Variants in VEGFC observed in about 807,000 individuals in gnomAD.
VEGFC encodes FLT4 ligand DHM.
VEGFC carries 12 observed loss-of-function variants against 46.1 expected under a neutral mutation model. The observed-to-expected ratio is 0.26, with a 90% confidence interval of 0.17 to 0.42. The LOEUF is 0.42. VEGFC is among the 10% of genes least tolerant of loss of function. The pLI is 1.00. For missense variants in VEGFC, 488 were observed against 529.4 expected, an observed-to-expected ratio of 0.92 and a Z score of 0.77; for synonymous variants, 232 against 195.5, an observed-to-expected ratio of 1.19 and a Z score of -1.56.
chr4:176,749,961 A>T (rs927810907), intron 1 of VEGFC, among the ~76,000 whole-genome samples: 14 of 151,770 alleles, frequency 9.2e-5, no homozygotes, highest in Non-Finnish European at 1.8e-4. Flanking sequence ...AATTACTGAA[A>T]ATTACAGTGT....
chr4:176,728,485 G>C (rs1050291591), intron 2 of VEGFC, among the ~76,000 whole-genome samples: 1 of 152,122 alleles, frequency 6.6e-6, no homozygotes, highest in African/African-American at 2.4e-5. Flanking sequence ...CTTGAGTAAT[G>C]TCGTGGCTGC....
At chr4:176,692,205 T>C (rs1734203012) in intron 4 of VEGFC, among the ~76,000 whole-genome samples, 1 of 149,620 alleles carries the variant, frequency 6.7e-6, no homozygotes, top group Non-Finnish European at 1.5e-5. Flanking sequence ...CCATCCCGGC[T>C]AAAACGGTGA....
intron 3 of VEGFC, among the ~76,000 whole-genome samples, chr4:176,721,425 A>C (rs1401198780): frequency 6.6e-6 from 1 of 152,180 alleles, no homozygotes. Context: ...AGCATTAAGA[A>C]AAGAAAAAAA....
intron 1 of VEGFC, among the ~76,000 whole-genome samples, chr4:176,744,414 A>T (rs1735227628): frequency 1.3e-5 from 2 of 152,144 alleles, no homozygotes; most frequent in South Asian, 4.1e-4. Context: ...TTTCCTTCTG[A>T]AATATCAAGG....
intron 1 of VEGFC, among the ~76,000 whole-genome samples, chr4:176,740,636 C>T (rs1299167700): frequency 6.7e-6 from 1 of 149,952 alleles, no homozygotes; most frequent in Non-Finnish European, 1.5e-5. Flanking sequence ...AACTGGAATA[C>T]TCACATTATT....
chr4:176,792,253 G>C lies in VEGFC; in HGVS notation c.59C>G (p.Pro20Arg). The C allele has an allele frequency of 3.2e-6, 5 of 1,559,712 alleles. No homozygotes were observed. The highest frequency in any genetic ancestry group is 4.3e-6 in the Non-Finnish European group (5 of 1,155,296). Reference sequence around the variant, plus strand: ...GGCGGCGGGCGCCTCGCGAGGACCCGGGAGCAGCGCAGCGGCGAGCAGAGA... The same window carrying C: ...GGCGGCGGGCGCCTCGCGAGGACCCCGGAGCAGCGCAGCGGCGAGCAGAGA... ...ACSLLAAALL[P>R]GPREAPAAAA... Residue 20 changes from proline to arginine, a missense_variant, in exon 1 of 7, where the codon CCG (proline) becomes CGG (arginine). Transcript: ENST00000618562. The surrounding 1 kb of genome is among the most constrained non-coding windows in gnomAD (Gnocchi z 6.3).
chr4:176,711,388 A>G, intron 4 of VEGFC, 111 bp downstream of exon 4: 1 of 1,197,260 alleles, frequency 8.4e-7, no homozygotes, highest in Non-Finnish European at 1.1e-6. Context: ...TATTTGAAGC[A>G]GAGTATATTA....
intron 6 of VEGFC, among the ~76,000 whole-genome samples, chr4:176,685,422 TC>T (rs1185372670): frequency 6.6e-6 from 1 of 152,166 alleles, no homozygotes; most frequent in Non-Finnish European, 1.5e-5. Flanking sequence ...TCTCTTTTGC[TC>T]CAATTTATAT....
chr4:176,731,128 A>G (rs1734958319), intron 1 of VEGFC, among the ~76,000 whole-genome samples: 1 of 152,092 alleles, frequency 6.6e-6, no homozygotes, highest in Non-Finnish European at 1.5e-5. Context: ...TACACCATAC[A>G]GCCATAGAAA....
intron 1 of VEGFC, among the ~76,000 whole-genome samples, chr4:176,736,075 C>T (rs1735048212): frequency 6.6e-6 from 1 of 151,738 alleles, no homozygotes; most frequent in African/African-American, 2.4e-5. Context: ...CGAAGACCCA[C>T]CTCCTCCATG....
At chr4:176,715,038 G>T in intron 3 of VEGFC, among the ~76,000 whole-genome samples, 1 of 149,992 alleles carries the variant, frequency 6.7e-6, no homozygotes, top group African/African-American at 2.5e-5. Flanking sequence ...CCTCTAAGTT[G>T]AAGACTTTTA....
At chr4:176,717,154 CA>C (rs1306351339) in intron 3 of VEGFC, among the ~76,000 whole-genome samples, 1 of 151,352 alleles carries the variant, frequency 6.6e-6, no homozygotes, top group Admixed American at 6.6e-5. Context: ...ATGTAGGACA[CA>C]AAAAAAGTTG....
intron 3 of VEGFC, among the ~76,000 whole-genome samples, chr4:176,722,492 T>TC (rs386402402): frequency 6.7e-6 from 1 of 148,578 alleles, no homozygotes; most frequent in Non-Finnish European, 1.5e-5. Flanking sequence ...TCTTTTGTTT[T>TC]TTTTTTGTTT....
chr4:176,727,874 A>C lies in VEGFC; in HGVS notation c.456T>G (p.Phe152Leu), dbSNP rs1198327769. The C allele has an allele frequency of 6.2e-7, 1 of 1,614,042 alleles. No homozygotes were observed. Among genetic ancestry groups the C allele is most frequent in the Non-Finnish European group, 8.5e-7 (1 of 1,179,956 alleles). Residue 152 changes from phenylalanine (F) to leucine (L), a missense_variant, in exon 3 of 7, where the codon TTT (phenylalanine) becomes TTG (leucine). By Grantham distance (22) the Phe-to-Leu change is conservative. Transcript: ENST00000618562. ...KEFGVATNTF[F>L]KPPCVSVYRC... ...TGTAGACGGACACACATGGAGGTTT[A>C]AAGAAGGTGTTTGTCGCGACTCCAA...
chr4:176,725,537 G>A (rs1242722298), intron 3 of VEGFC, among the ~76,000 whole-genome samples: 1 of 152,158 alleles, frequency 6.6e-6, no homozygotes, highest in Non-Finnish European at 1.5e-5. Flanking sequence ...ATGAAGAAAG[G>A]AAATGGAAGG....
At chr4:176,781,260 A>G (rs1735910295) in intron 1 of VEGFC, among the ~76,000 whole-genome samples, 1 of 152,208 alleles carries the variant, frequency 6.6e-6, no homozygotes, top group Non-Finnish European at 1.5e-5. Context: ...TAAAACTAAA[A>G]TTTGGCTCTG....
chr4:176,767,022 A>C (rs1158956559), intron 1 of VEGFC, among the ~76,000 whole-genome samples: 1 of 151,358 alleles, frequency 6.6e-6, no homozygotes, highest in Non-Finnish European at 1.5e-5. Flanking sequence ...AAAAGAAAGA[A>C]AGAAAGAAAA....
chr4:176,792,855 G>C lies in VEGFC; in HGVS notation c.-544C>G, dbSNP rs1261137853. 2 of 148,256 alleles carry C rather than the reference G, an allele frequency of 1.3e-5. No individual in the cohort carries two copies. The highest frequency in any genetic ancestry group is 4.9e-5 in the African/African-American group (2 of 40,724). 9.2% of individuals were successfully genotyped at this position (148,256 alleles called of 1,614,324 possible). ...CGGCGGGGCCCGGGAGCGCCGCGGC[G>C]CAGGATCCTCCAGAGCGCGCCGGGC... On this transcript the variant is annotated 5_prime_UTR_variant, in exon 1 of 7. Coordinates refer to ENST00000618562, the MANE Select transcript of VEGFC (RefSeq NM_005429.5). The surrounding 1 kb of genome is among the most constrained non-coding windows in gnomAD (Gnocchi z 6.3).
At chr4:176,772,435 C>A (rs1735738977) in intron 1 of VEGFC, among the ~76,000 whole-genome samples, 1 of 152,178 alleles carries the variant, frequency 6.6e-6, no homozygotes, top group Admixed American at 6.5e-5. Flanking sequence ...CTTTCTTAAA[C>A]ACAATACTTC....
Sources: gnomAD v4.1 joint callset for allele counts (sites outside exome capture counted in the v4.1 genomes callset) on GRCh38, gnomAD v4.1.1 for gene constraint, Gnocchi (gnomAD v3.1) non-coding constraint, MANE v1.5 for transcripts, NCBI Gene and HGNC (gene_info 2026-07-23, HGNC 2026-07-21) for gene names.